The following P2RX5 variants were observed in gnomAD, a reference collection of about 807,000 sequenced individuals.
P2RX5 encodes the protein P2X purinoceptor 5.
A neutral mutation model predicts 54.1 loss-of-function variants in P2RX5; 46 were observed. The observed-to-expected ratio is 0.85, with a 90% CI of 0.67 to 1.09. The LOEUF (loss-of-function observed/expected upper bound fraction) is 1.09, where lower values mean the gene tolerates loss of function less well. Ranked by LOEUF, P2RX5 falls within the 50% of genes least tolerant of loss-of-function variation. P2RX5 has a pLI of 0.00. For synonymous variants in P2RX5, 226 were observed against 226.4 expected, an observed-to-expected ratio of 1.00 and a Z score of 0.02; for missense variants, 566 against 549.8, an observed-to-expected ratio of 1.03 and a Z score of -0.29.
chr17:3,690,913 T>C (rs752336074), intron 3 of P2RX5, 43 bp downstream of exon 3: 2 of 1,550,764 alleles, frequency 1.3e-6, no homozygotes, highest in Non-Finnish European at 1.8e-6. Context: ...CCACTGCCGG[T>C]GGCTCTCCCA....
At chr17:3,685,294 G>C (rs1009007478) in intron 9 of P2RX5, among the ~76,000 whole-genome samples, 1 of 152,190 alleles carries the variant, frequency 6.6e-6, no homozygotes, top group African/African-American at 2.4e-5. Context: ...ATGCCTCCCT[G>C]GCTCTGGAAA....
chr17:3,716,494 CAG>C, the P2RX5 span, among the ~76,000 whole-genome samples: 1 of 152,160 alleles, frequency 6.6e-6, no homozygotes, highest in African/African-American at 2.4e-5. Flanking sequence ...CTTTATAACT[CAG>C]AGTTTTCTCT....
chr17:3,684,325 T>A (rs1225682983), intron 9 of P2RX5, among the ~76,000 whole-genome samples: 1 of 152,208 alleles, frequency 6.6e-6, no homozygotes, highest in Admixed American at 6.5e-5. Context: ...TACAATGGGC[T>A]GGGCGCGGTG....
chr17:3,696,173 C>T (rs542158969), upstream of P2RX5: 3 of 572,382 alleles, frequency 5.2e-6, no homozygotes, highest in East Asian at 4.2e-5. Flanking sequence ...CGGGTCGGGG[C>T]GGCCTTTTAT....
chr17:3,710,422 A>C, the P2RX5 span, among the ~76,000 whole-genome samples: 2 of 151,722 alleles, frequency 1.3e-5, no homozygotes, highest in East Asian at 3.9e-4. Flanking sequence ...GCAAGACTCT[A>C]TCTCAAATAA....
intron 10 of P2RX5, 126 bp from the exon 11 acceptor site, chr17:3,679,910 TCCTC>T: frequency 1.2e-6 from 1 of 801,426 alleles, no homozygotes; most frequent in Non-Finnish European, 2.1e-6. Context: ...CCAGCCGGTG[TCCTC>T]CACCCTGCTT....
chr17:3,709,472 G>A, the P2RX5 span, among the ~76,000 whole-genome samples: 3 of 152,158 alleles, frequency 2.0e-5, no homozygotes, highest in Admixed American at 2.0e-4. Flanking sequence ...TTAGGACGAC[G>A]ATGCTTCCTG....
chr17:3,680,419 C>T (rs2050229691), intron 10 of P2RX5, among the ~76,000 whole-genome samples: 3 of 134,706 alleles, frequency 2.2e-5, no homozygotes, highest in African/African-American at 3.0e-5. Context: ...CAGCGTCCTC[C>T]ACCCTGCATC....
At position 3,676,086 on chromosome 17, in the gene P2RX5, C is replaced by G. The variant is rs898547358; in HGVS notation, c.1260-2209G>C. The G allele has an allele frequency of 7.1e-6, 7 of 985,342 alleles. No individual in the cohort carries two copies. In the African/African-American group the frequency reaches 1.0e-4, roughly 15 times the overall value. The allele number at this position is 985,342 out of a possible 1,614,324, so 61.0% of individuals were successfully genotyped here. A position where few individuals can be genotyped will look rare whatever the true frequency, so the allele number is the denominator to read the frequency against. ...GGATGCTTCCAGGGAGCCGCCCAGA[C>G]AGCACTGGGACTGGTTGAGTGAGGG... On this transcript the variant is annotated intron_variant, in intron 11 of 11. Coordinates refer to ENST00000225328, the MANE Select transcript of P2RX5 (RefSeq NM_002561.4).
At chr17:3,678,435 C>T (rs150851) in intron 11 of P2RX5, among the ~76,000 whole-genome samples, 1 of 152,104 alleles carries the variant, frequency 6.6e-6, no homozygotes, top group African/African-American at 2.4e-5. Context: ...CAAGCCAGGC[C>T]GTCGGGCTTC....
At chr17:3,674,408 GT>G (rs2050054849) in intron 11 of P2RX5, among the ~76,000 whole-genome samples, 4 of 152,154 alleles carry the variant, frequency 2.6e-5, no homozygotes, top group Admixed American at 2.6e-4. Context: ...CAGAAAAATG[GT>G]GGGAGCTGGG....
the P2RX5 span, among the ~76,000 whole-genome samples, chr17:3,710,322 G>A: frequency 6.6e-6 from 1 of 151,962 alleles, no homozygotes; most frequent in African/African-American, 2.4e-5. Flanking sequence ...AGCTACTCAG[G>A]AAGCTGAGGC....
rs777465240 is a variant in P2RX5 at position 3,673,306 on chromosome 17, C to T, written c.*562G>A. ...CATATCTTGGGCAGGTCCCAGAAAGCGTCTGCCATCTCCCCCACTTTAATT... is the reference window on the plus strand; with the variant it reads ...CATATCTTGGGCAGGTCCCAGAAAGTGTCTGCCATCTCCCCCACTTTAATT... On this transcript the variant is annotated 3_prime_UTR_variant, in exon 12 of 12. Coordinates refer to ENST00000225328, the MANE Select transcript of P2RX5 (RefSeq NM_002561.4). 14 of 992,480 alleles carry T rather than the reference C, an allele frequency of 1.4e-5. No homozygotes were observed. The highest frequency in any genetic ancestry group is 4.5e-5 in the South Asian group (1 of 22,176). 61.5% of individuals were successfully genotyped at this position (992,480 alleles called of 1,614,324 possible). A position where few individuals can be genotyped will look rare whatever the true frequency, so the allele number is the denominator to read the frequency against.
chr17:3,677,207 A>C, intron 11 of P2RX5: 2 of 985,300 alleles, frequency 2.0e-6, no homozygotes, highest in Non-Finnish European at 2.4e-6. Flanking sequence ...GCCCGTTTAC[A>C]CCTGCTGAGT....
intron 9 of P2RX5, chr17:3,682,432 A>T: frequency 3.8e-6 from 1 of 260,182 alleles, no homozygotes; most frequent in Non-Finnish European, 7.7e-6. Flanking sequence ...TAAGGACTAA[A>T]GAGGAGTTTA....
Position 3,688,684 on chromosome 17 carries a change from AAT to A in P2RX5, c.827_828del (p.Tyr276PhefsTer3), listed in dbSNP as rs2050517634. 6.2e-7 allele frequency: 1 copy of A among 1,613,922 alleles called. No individual in the cohort carries two copies. Among genetic ancestry groups the A allele is most frequent in the African/African-American group, 1.3e-5 (1 of 75,028 alleles). On this transcript the variant is annotated frameshift_variant, in exon 8 of 12. Transcript: ENST00000225328. LOFTEE classifies it high-confidence loss of function. Reference sequence around the variant, plus strand: ...AGTTTATTGTCCAGACGGCTAAAAGAATAGTGAGGGTGGCACTCAGAGGCAGC... The same window carrying A: ...AGTTTATTGTCCAGACGGCTAAAAGAAGTGAGGGTGGCACTCAGAGGCAGC... ...DKAASECHPH[Y>X]SFSRLDNKLS...
rs1482417020 is a variant in P2RX5, at chr17:3,689,625, T to C, written c.620A>G (p.Asn207Ser). ...RFPKFNFSKS[N>S]VMDVKDRSFL... ...AGATCTGTCCTTGACGTCCATCACATTGCTTCTGGGTGGAGGCCATGGGCA... is the reference window on the plus strand; with the variant it reads ...AGATCTGTCCTTGACGTCCATCACACTGCTTCTGGGTGGAGGCCATGGGCA... The change falls in exon 7 of 12, where the codon AAT (asparagine) becomes AGT (serine). Residue 207 changes from asparagine (N) to serine (S), a missense_variant. By Grantham distance (46) the Asn-to-Ser change is conservative. Coordinates refer to ENST00000225328, the MANE Select transcript of P2RX5 (RefSeq NM_002561.4). 3.1e-6 allele frequency: 5 copies of C among 1,614,140 alleles called. No homozygotes were observed. In the South Asian group the frequency reaches 5.5e-5, roughly 18 times the overall value.
chr17:3,717,465 A>C, the P2RX5 span: 1 of 152,206 alleles, frequency 6.6e-6, no homozygotes, highest in Non-Finnish European at 1.5e-5. Flanking sequence ...TCGGGAGTCT[A>C]ATCTCTCTTC....
Position 3,690,160 on chromosome 17 carries a change from A to G in P2RX5, c.534-10T>C. 6.2e-7 allele frequency: 1 copy of G among 1,613,152 alleles called. No homozygotes were observed. Among genetic ancestry groups the G allele is most frequent in the Non-Finnish European group, 8.5e-7 (1 of 1,179,124 alleles). On this transcript the variant is annotated splice_polypyrimidine_tract_variant and intron_variant, in intron 5 of 11. Coordinates refer to ENST00000225328, the MANE Select transcript of P2RX5 (RefSeq NM_002561.4). Reference sequence around the variant, plus strand: ...CTTCAGGAATGGCTCCCTGAAAACCAACCCAGAACAGCCTGTCCAGGAGGC... The same window carrying G: ...CTTCAGGAATGGCTCCCTGAAAACCGACCCAGAACAGCCTGTCCAGGAGGC...
Sources: allele counts gnomAD v4.1 joint callset (sites outside exome capture counted in the v4.1 genomes callset), GRCh38; gene constraint gnomAD v4.1.1; transcripts MANE v1.5; gene names NCBI Gene and HGNC (gene_info 2026-07-23, HGNC 2026-07-21).